The following KAZN variants were observed in gnomAD, a reference collection of about 807,000 sequenced individuals.
The protein encoded by KAZN is kazrin.
In KAZN, 40 loss-of-function variants were observed where a neutral mutation model predicts 87.4. That is an observed-to-expected ratio of 0.46 (90% CI 0.36 to 0.60). The LOEUF (loss-of-function observed/expected upper bound fraction) is 0.60, where lower values mean the gene tolerates loss of function less well. KAZN is among the 20% of genes least tolerant of loss of function. The pLI, the probability that KAZN is intolerant of heterozygous loss-of-function variation, is 0.00. For synonymous variants in KAZN, 466 were observed against 458.3 expected (o/e 1.02, Z -0.22); for missense variants, 898 against 1,073.9 (o/e 0.84, Z 2.29).
chr1:14,773,309 G>A lies in KAZN; in HGVS notation c.226+174086G>A, dbSNP rs1270215734. On this transcript the variant is annotated intron_variant, in intron 1 of 14. Transcript: ENST00000376030. This position sits in a 1 kb window ranked among gnomAD's most constrained non-coding sequence, Gnocchi z 5.9. The stretch of plus-strand genomic sequence containing the variant: ...GGCACACAGTGGTGGCCTGGCGTAT[G>A]AGAAGACCACCCCCCACCCAATCCA... Among the ~76,000 whole-genome samples, 3 of 152,094 alleles carry A rather than the reference G, an allele frequency of 2.0e-5. No individual in the cohort carries two copies. The highest frequency in any genetic ancestry group is 7.2e-5 in the African/African-American group (3 of 41,436).
chr1:14,205,904 A>AAAAAAAAAAAAAAAAAC (rs1304691431), intron 2 of KAZN, among the ~76,000 whole-genome samples: 1 of 49,352 alleles, frequency 2.0e-5, no homozygotes, highest in Non-Finnish European at 3.5e-5. Flanking sequence ...AAAAAAAAAA[A>AAAAAAAAAAAAAAAAAC]AAGCTACCTA....
chr1:13,950,050 C>T (rs934073688), intron 1 of KAZN, among the ~76,000 whole-genome samples: 1 of 152,214 alleles, frequency 6.6e-6, no homozygotes, highest in Non-Finnish European at 1.5e-5. Flanking sequence ...CTCTGCAGCC[C>T]CCTCTTCCAA....
chr1:14,865,739 A>G (rs996669376), intron 1 of KAZN, among the ~76,000 whole-genome samples: 1 of 152,226 alleles, frequency 6.6e-6, no homozygotes, highest in Non-Finnish European at 1.5e-5. Flanking sequence ...TTTGAAAACA[A>G]GATCTCTGTG....
chr1:14,108,332 C>T (rs899892867), intron 1 of KAZN, among the ~76,000 whole-genome samples: 2 of 152,148 alleles, frequency 1.3e-5, no homozygotes, highest in African/African-American at 4.8e-5. Context: ...GTATAGCTCC[C>T]TGTTTAGGGA....
intron 1 of KAZN, among the ~76,000 whole-genome samples, chr1:14,649,756 A>G (rs1638229164): frequency 6.6e-6 from 1 of 152,220 alleles, no homozygotes; most frequent in South Asian, 2.1e-4. Flanking sequence ...GCTGAGATGG[A>G]GAGAAAAACC....
intron 2 of KAZN, among the ~76,000 whole-genome samples, chr1:15,012,638 A>G (rs953038687): frequency 1.3e-5 from 2 of 152,132 alleles, no homozygotes; most frequent in African/African-American, 4.8e-5. Context: ...TAATGGGATC[A>G]TGGCCCGGCG....
intron 2 of KAZN, among the ~76,000 whole-genome samples, chr1:14,203,776 C>T (rs1303616628): frequency 6.6e-6 from 1 of 152,134 alleles, no homozygotes; most frequent in Non-Finnish European, 1.5e-5. Context: ...GTATGAATTC[C>T]CCATTAAGAT....
At chr1:14,937,075 A>C (rs893612808) in intron 1 of KAZN, among the ~76,000 whole-genome samples, 1 of 152,108 alleles carries the variant, frequency 6.6e-6, no homozygotes, top group East Asian at 1.9e-4. Flanking sequence ...TGCTCATTGC[A>C]GCCCCTCTGG....
chr1:14,011,593 A>C (rs1331834535), intron 1 of KAZN, among the ~76,000 whole-genome samples: 1 of 151,822 alleles, frequency 6.6e-6, no homozygotes, highest in Middle Eastern at 3.2e-3. Flanking sequence ...GAAATTGCAG[A>C]CTCTGTCGAG....
chr1:14,903,059 G>C lies in KAZN; in HGVS notation c.227-57625G>C, dbSNP rs556867036. 9.8e-4 allele frequency among the ~76,000 whole-genome samples: 149 copies of C among 151,892 alleles called. 1 individual carries two copies. The highest frequency in any genetic ancestry group is 2.0e-3 in the Admixed American group (30 of 15,232). ...AATTTTTGTATTTTTAGTAGAGATG[G>C]AGTTTCACCATGTTGGCCAGGCTGG... On this transcript the variant is annotated intron_variant, in intron 1 of 14. Transcript: ENST00000376030.
intron 13 of KAZN, among the ~76,000 whole-genome samples, chr1:15,107,607 A>G (rs528590583): frequency 6.6e-6 from 1 of 152,366 alleles, no homozygotes; most frequent in African/African-American, 2.4e-5. Context: ...TGGCAAGATG[A>G]GATAAGACAA....
intron 1 of KAZN, among the ~76,000 whole-genome samples, chr1:14,636,667 G>A (rs575099093): frequency 4.6e-5 from 7 of 152,286 alleles, no homozygotes; most frequent in African/African-American, 1.4e-4. Context: ...TGATGCATGA[G>A]GCCACAAAAG....
intron 1 of KAZN, among the ~76,000 whole-genome samples, chr1:14,884,021 A>C (rs1653774045): frequency 6.6e-6 from 1 of 152,160 alleles, no homozygotes; most frequent in South Asian, 2.1e-4. Context: ...AAGGGAGACA[A>C]TATTTTCCCC....
At chr1:14,825,378 C>T (rs778039692) in intron 1 of KAZN, among the ~76,000 whole-genome samples, 1 of 152,220 alleles carries the variant, frequency 6.6e-6, no homozygotes, top group Non-Finnish European at 1.5e-5. Context: ...TTATCTTTCT[C>T]GCTCTTTTTC....
At position 14,275,596 on chromosome 1, in the gene KAZN, C is replaced by T. The variant is rs528275171; in HGVS notation, c.249+95004C>T. On this transcript the variant is annotated intron_variant, in intron 2 of 16. Transcript: ENST00000636203. The stretch of plus-strand genomic sequence containing the variant: ...TATTTTTCTCTACATTATGTTTGTG[C>T]GATTCATCCATATTCATGTGTGTAT... Among the ~76,000 whole-genome samples the T allele has an allele frequency of 2.3e-4, 35 of 152,076 alleles. 1 individual carries two copies. The highest frequency in any genetic ancestry group is 3.4e-3 in the Middle Eastern group (1 of 294).
intron 1 of KAZN, among the ~76,000 whole-genome samples, chr1:13,995,352 G>C (rs190664973): frequency 6.6e-6 from 1 of 152,220 alleles, no homozygotes. Flanking sequence ...AACTTGGCAA[G>C]GTTAATGGAT....
intron 1 of KAZN, among the ~76,000 whole-genome samples, chr1:14,891,062 T>C (rs1252897587): frequency 6.6e-6 from 1 of 151,484 alleles, no homozygotes; most frequent in Non-Finnish European, 1.5e-5. Context: ...GCCAGGATGG[T>C]CTCGATCTCC....
intron 1 of KAZN, among the ~76,000 whole-genome samples, chr1:14,701,951 C>T (rs1641946342): frequency 6.6e-6 from 1 of 152,208 alleles, no homozygotes; most frequent in African/African-American, 2.4e-5. Context: ...CTCTGCCTCC[C>T]TGATTGTCAG....
chr1:14,513,486 T>C (rs530288469), intron 2 of KAZN, among the ~76,000 whole-genome samples: 67 of 152,164 alleles, frequency 4.4e-4, no homozygotes, highest in Non-Finnish European at 7.3e-4. Flanking sequence ...TTCTGACTAA[T>C]GAATTGCCAA....
Sources: allele counts gnomAD v4.1 joint callset (sites outside exome capture counted in the v4.1 genomes callset), GRCh38; gene constraint gnomAD v4.1.1; non-coding constraint Gnocchi (gnomAD v3.1); transcripts MANE v1.5; gene names NCBI Gene and HGNC (gene_info 2026-07-23, HGNC 2026-07-21).